DOCK8: variants seen among roughly 807,000 people sequenced by gnomAD.
The protein encoded by DOCK8 is dedicator of cytokinesis protein 8.
Under a neutral mutation model 245.6 loss-of-function variants are expected in DOCK8, and 141 were observed. That is an observed-to-expected ratio of 0.57 (90% confidence interval 0.50 to 0.66). The LOEUF (loss-of-function observed/expected upper bound fraction) is 0.66. Ranked by LOEUF, DOCK8 falls within the 30% of genes least tolerant of loss-of-function variation. The pLI, the probability that DOCK8 is intolerant of heterozygous loss-of-function variation, is 0.00. For synonymous variants in DOCK8, 1,168 were observed against 970.2 expected (o/e 1.20, Z -3.79); for missense variants, 2,965 against 2,603.4 (o/e 1.14, Z -3.02).
chr9:244,529 A>T (rs543849020), intron 1 of DOCK8, among the ~76,000 whole-genome samples: 4 of 152,258 alleles, frequency 2.6e-5, no homozygotes, highest in Admixed American at 6.5e-5. Context: ...GTGATTGCCT[A>T]CTTAATGTCT....
chr9:400,256 C>T (rs1205785448), intron 26 of DOCK8, among the ~76,000 whole-genome samples: 3 of 95,214 alleles, frequency 3.2e-5, no homozygotes, highest in Admixed American at 1.0e-4. Context: ...TCCACCATCA[C>T]CACCACCTCC....
chr9:291,295 GA>G (rs905746647), intron 4 of DOCK8, among the ~76,000 whole-genome samples: 3 of 151,724 alleles, frequency 2.0e-5, no homozygotes, highest in South Asian at 2.1e-4. Context: ...AAATGTAAGA[GA>G]AAAAAATGAC....
At chr9:422,751 G>A (rs1412609549) in intron 33 of DOCK8, among the ~76,000 whole-genome samples, 3 of 152,176 alleles carry the variant, frequency 2.0e-5, no homozygotes, top group Admixed American at 6.5e-5. Flanking sequence ...TTGGGAGGCT[G>A]AGGCCGGTGG....
chr9:452,288 T>G (rs1402222470), intron 46 of DOCK8, among the ~76,000 whole-genome samples, 171 bp downstream of exon 46: 1 of 152,124 alleles, frequency 6.6e-6, no homozygotes, highest in Non-Finnish European at 1.5e-5. Context: ...ATGTGCAGTT[T>G]AACCCGCCCT....
intron 14 of DOCK8, among the ~76,000 whole-genome samples, chr9:355,802 G>A (rs947649191): frequency 5.9e-5 from 9 of 151,354 alleles, no homozygotes; most frequent in East Asian, 1.9e-4. Flanking sequence ...ACTCCCAACC[G>A]CACACTCACC....
intron 33 of DOCK8, among the ~76,000 whole-genome samples, chr9:424,249 A>AGCACATTAGAATCACTTGGGGT (rs2056396520): frequency 6.6e-6 from 1 of 151,972 alleles, no homozygotes; most frequent in African/African-American, 2.4e-5. Flanking sequence ...TCACCTGGGG[A>AGCACATTAGAATCACTTGGGGT]GCTTTAAAAC....
At chr9:284,462 A>G (rs749234661) in intron 2 of DOCK8, 2 of 152,124 alleles carry the variant, frequency 1.3e-5, no homozygotes, top group Non-Finnish European at 2.9e-5. Context: ...GTCCCTTCTC[A>G]TAGCACCTGA....
At chr9:424,912 GCCA>G (rs1338507238) in intron 33 of DOCK8, among the ~76,000 whole-genome samples, 2 of 152,154 alleles carry the variant, frequency 1.3e-5, no homozygotes, top group Non-Finnish European at 2.9e-5. Flanking sequence ...GTAGCCATTA[GCCA>G]CATGTGACTA....
intron 24 of DOCK8, among the ~76,000 whole-genome samples, chr9:392,313 A>G (rs1159725145): frequency 2.6e-5 from 4 of 152,132 alleles, no homozygotes; most frequent in African/African-American, 2.4e-5. Context: ...AATAGGAAGC[A>G]ATGTGGAATA....
At chr9:248,318 G>T (rs1184819188) in intron 1 of DOCK8, among the ~76,000 whole-genome samples, 3 of 152,204 alleles carry the variant, frequency 2.0e-5, no homozygotes, top group Non-Finnish European at 2.9e-5. Flanking sequence ...TGAACATTCT[G>T]TCTTTATAAG....
chr9:423,081 G>A lies in DOCK8; in HGVS notation c.4241+946G>A, dbSNP rs117568364. ...GGAAATTTACCAAAATATTAATTGC[G>A]GTTTTCTTTGGGTGCTGGGAATATC... On this transcript the variant is annotated intron_variant, in intron 33 of 47. Coordinates refer to ENST00000432829, the MANE Select transcript of DOCK8 (RefSeq NM_203447.4). Among the ~76,000 whole-genome samples the A allele has an allele frequency of 5.7e-3, 858 of 151,714 alleles. 6 individuals are homozygous for A. Among genetic ancestry groups the A allele is most frequent in the Non-Finnish European group, 8.7e-3 (594 of 67,950 alleles).
intron 14 of DOCK8, among the ~76,000 whole-genome samples, chr9:346,372 C>G (rs1002836948): frequency 3.6e-4 from 55 of 152,230 alleles, no homozygotes; most frequent in African/African-American, 1.3e-3. Flanking sequence ...GAGGCCAAGG[C>G]CCAGCAAGGT....
At chr9:444,047 G>C (rs1356955540) in intron 43 of DOCK8, among the ~76,000 whole-genome samples, 1 of 152,110 alleles carries the variant, frequency 6.6e-6, no homozygotes, top group Non-Finnish European at 1.5e-5. Flanking sequence ...CCAAGTCCGG[G>C]ATCACTGTGC....
At chr9:350,176 G>A (rs1179263873) in intron 14 of DOCK8, among the ~76,000 whole-genome samples, 2 of 152,122 alleles carry the variant, frequency 1.3e-5, no homozygotes, top group African/African-American at 4.8e-5. Context: ...GCAGTGGTAC[G>A]ATTCTAGCTC....
chr9:429,888 C>T, intron 36 of DOCK8, 34 bp downstream of exon 36: 5 of 1,611,772 alleles, frequency 3.1e-6, no homozygotes, highest in Non-Finnish European at 4.2e-6. Flanking sequence ...GACCTGGAAT[C>T]AGTAGAGAAA....
chr9:222,677 T>C (rs2046910579), intron 1 of DOCK8, among the ~76,000 whole-genome samples: 1 of 152,252 alleles, frequency 6.6e-6, no homozygotes, highest in Non-Finnish European at 1.5e-5. Context: ...ATTTCTCCTT[T>C]TTTCTTTGCC....
chr9:212,516 T>A (rs1006006010), upstream of DOCK8, among the ~76,000 whole-genome samples: 2 of 152,214 alleles, frequency 1.3e-5, no homozygotes, highest in South Asian at 2.1e-4. Context: ...GAAAGGCACT[T>A]GGATGGCTAT....
intron 24 of DOCK8, among the ~76,000 whole-genome samples, chr9:393,085 C>CAAA (rs1159933739): frequency 0.028 from 1,217 of 43,830 alleles, no homozygotes; most frequent in East Asian, 0.06. Flanking sequence ...GACCCTGTCT[C>CAAA]AAAAAAAAAA....
chr9:429,873 T>C lies in DOCK8; in HGVS notation c.4626+19T>C. 3 of 1,613,618 alleles carry C rather than the reference T, an allele frequency of 1.9e-6. No individual in the cohort carries two copies. The highest frequency in any genetic ancestry group is 1.1e-5 in the South Asian group (1 of 91,000). On this transcript the variant is annotated intron_variant, in intron 36 of 47. Coordinates refer to ENST00000432829, the MANE Select transcript of DOCK8 (RefSeq NM_203447.4). ...CACCAGTGTAAGAGTTCAAACCAGC[T>C]GAGTGACCTGGAATCAGTAGAGAAA...
Sources: gnomAD v4.1 joint callset for allele counts (sites outside exome capture counted in the v4.1 genomes callset) on GRCh38, gnomAD v4.1.1 for gene constraint, MANE v1.5 for transcripts, NCBI Gene and HGNC (gene_info 2026-07-23, HGNC 2026-07-21) for gene names.